Variants in NFIA observed in about 807,000 individuals in gnomAD.
The protein encoded by NFIA is nuclear factor I A, also known as nuclear factor 1 A-type.
In NFIA, 8 loss-of-function variants were observed where a neutral mutation model predicts 62.8. That is an observed-to-expected ratio of 0.13 (90% CI 0.07 to 0.23). NFIA has a LOEUF of 0.23. NFIA is among the 10% of genes least tolerant of loss of function. NFIA has a pLI of 1.00. For synonymous variants in NFIA, 235 were observed against 238.1 expected (o/e 0.99, Z 0.12); for missense variants, 410 against 642.1 (o/e 0.64, Z 3.91).
intron 8 of NFIA, among the ~76,000 whole-genome samples, chr1:61,404,809 C>T (rs748344234): frequency 1.3e-4 from 20 of 152,288 alleles, no homozygotes; most frequent in Non-Finnish European, 2.9e-4. Flanking sequence ...TTCTGCAAGT[C>T]ATTATCTTTC....
chr1:61,190,218 C>T lies in NFIA; in HGVS notation c.560-87302C>T, dbSNP rs529720059. Among the ~76,000 whole-genome samples, 3 of 152,276 alleles carry T rather than the reference C, an allele frequency of 2.0e-5. No individual in the cohort carries two copies. The South Asian group carries it at 6.2e-4, about 32-fold the overall frequency. The stretch of plus-strand genomic sequence containing the variant: ...GGCACCAGGCAGGTGACACTAGAGG[C>T]CACGGTCTTAATGACCACACAACAT... On this transcript the variant is annotated intron_variant, in intron 2 of 10. Transcript: ENST00000403491.
At chr1:61,192,059 A>G (rs1475029825) in intron 2 of NFIA, among the ~76,000 whole-genome samples, 1 of 137,230 alleles carries the variant, frequency 7.3e-6, no homozygotes, top group African/African-American at 3.0e-5. Flanking sequence ...TCCCGGGTTC[A>G]GGCAGTTCTC....
intron 9 of NFIA, among the ~76,000 whole-genome samples, chr1:61,409,574 AT>A (rs905449081): frequency 6.6e-5 from 10 of 152,196 alleles, no homozygotes; most frequent in African/African-American, 1.9e-4. Flanking sequence ...TAAATAAAAT[AT>A]TTTTTTAAAT....
intron 2 of NFIA, among the ~76,000 whole-genome samples, chr1:61,228,856 C>T (rs1654494252): frequency 6.6e-6 from 1 of 152,066 alleles, no homozygotes; most frequent in African/African-American, 2.4e-5. Context: ...TTTATTATCT[C>T]CTCATTTATT....
At chr1:61,077,628 G>A, upstream of NFIA, 1 of 1,422,834 alleles carries the variant, frequency 7.0e-7, no homozygotes, top group Non-Finnish European at 9.3e-7. Context: ...ACATTGCAAT[G>A]GTACGTGGTA....
At chr1:61,429,423 A>G (rs748789031) in intron 10 of NFIA, among the ~76,000 whole-genome samples, 1 of 152,108 alleles carries the variant, frequency 6.6e-6, no homozygotes, top group Non-Finnish European at 1.5e-5. Flanking sequence ...CTCTCTAACC[A>G]CTGTATTATG....
At chr1:61,395,614 T>C (rs1395038877) in intron 7 of NFIA, among the ~76,000 whole-genome samples, 1 of 152,238 alleles carries the variant, frequency 6.6e-6, no homozygotes, top group Non-Finnish European at 1.5e-5. Flanking sequence ...TGGATTCTTG[T>C]CAACTTTGCC....
chr1:61,104,761 C>CT (rs1415439134), intron 2 of NFIA, among the ~76,000 whole-genome samples: 1 of 151,840 alleles, frequency 6.6e-6, no homozygotes, highest in Admixed American at 6.6e-5. Context: ...ATATATATTT[C>CT]TTTTTTTAAA....
At chr1:61,427,994 T>C (rs1666942985) in intron 10 of NFIA, among the ~76,000 whole-genome samples, 1 of 152,210 alleles carries the variant, frequency 6.6e-6, no homozygotes, top group Non-Finnish European at 1.5e-5. Context: ...TTGGCGTAAG[T>C]GTCCAAGTTC....
At chr1:61,262,621 A>G (rs1183109585) in intron 2 of NFIA, among the ~76,000 whole-genome samples, 1 of 152,192 alleles carries the variant, frequency 6.6e-6, no homozygotes, top group African/African-American at 2.4e-5. Context: ...TTTCCTTTCT[A>G]TAGGACCTCC....
At chr1:61,201,708 G>C (rs1223942712) in intron 2 of NFIA, among the ~76,000 whole-genome samples, 4 of 152,234 alleles carry the variant, frequency 2.6e-5, no homozygotes, top group Admixed American at 2.0e-4. Context: ...GAGAGGTCCT[G>C]AGCTATTAGA....
chr1:61,459,080 G>T lies in NFIA; in HGVS notation c.*3760G>T, dbSNP rs191917380. On this transcript the variant is annotated 3_prime_UTR_variant, in exon 11 of 11. Transcript: ENST00000403491. The stretch of plus-strand genomic sequence containing the variant: ...CAGTTGCCAGTGTTTTTGCTTTTTA[G>T]CTTAAAAGCATAGTGAAGATGCTTG... 1 of 152,144 alleles carries T rather than the reference G, an allele frequency of 6.6e-6. No homozygotes were observed. Among genetic ancestry groups the T allele is most frequent in the Non-Finnish European group, 1.5e-5 (1 of 68,018 alleles). The allele number at this position is 152,144 out of a possible 1,614,324, so 9.4% of individuals were successfully genotyped here.
intron 2 of NFIA, among the ~76,000 whole-genome samples, 198 bp from the exon 3 acceptor site, chr1:61,277,322 T>C (rs1657862812): frequency 6.6e-6 from 1 of 152,178 alleles, no homozygotes. Flanking sequence ...GAGCGTCCTC[T>C]CTAAAGGCAC....
At chr1:61,330,308 C>T (rs1195451899) in intron 3 of NFIA, among the ~76,000 whole-genome samples, 3 of 152,220 alleles carry the variant, frequency 2.0e-5, no homozygotes, top group East Asian at 1.9e-4. Flanking sequence ...CACTTACTAA[C>T]GTGCTTTGTC....
chr1:61,430,879 T>C lies in NFIA; in HGVS notation c.1512+4323T>C, dbSNP rs538995229. ...ATTTGCCCCTCATTTTTTTCCTCCTTCTCCATATTGTAACTGATCACTGAG... is the reference window on the plus strand; with the variant it reads ...ATTTGCCCCTCATTTTTTTCCTCCTCCTCCATATTGTAACTGATCACTGAG... On this transcript the variant is annotated intron_variant, in intron 10 of 10. Transcript: ENST00000403491. 1.8e-4 allele frequency among the ~76,000 whole-genome samples: 28 copies of C among 152,182 alleles called. No homozygotes were observed. The South Asian group carries it at 5.8e-3, about 32-fold the overall frequency.
chr1:61,273,380 C>A (rs1237027151), intron 2 of NFIA, among the ~76,000 whole-genome samples: 1 of 152,100 alleles, frequency 6.6e-6, no homozygotes, highest in African/African-American at 2.4e-5. Context: ...AATTTCTAAA[C>A]ACTGTGTAAG....
intron 8 of NFIA, among the ~76,000 whole-genome samples, chr1:61,405,826 C>A (rs1665789343): frequency 6.6e-6 from 1 of 152,044 alleles, no homozygotes; most frequent in Admixed American, 6.6e-5. Flanking sequence ...TGTTAAAGAG[C>A]TGTTATTTGG....
chr1:61,145,494 G>A lies in NFIA; in HGVS notation c.559+56814G>A, dbSNP rs145104587. The stretch of plus-strand genomic sequence containing the variant: ...TTCATTAATTCACTAAGTATTAATT[G>A]AGTATCTACTATGTGCCAAGCATCG... On this transcript the variant is annotated intron_variant, in intron 2 of 10. Transcript: ENST00000403491. Among the ~76,000 whole-genome samples the A allele has an allele frequency of 2.9e-3, 441 of 152,240 alleles. 4 individuals are homozygous for A. Among genetic ancestry groups the A allele is most frequent in the African/African-American group, 0.01 (417 of 41,528 alleles).
At position 61,112,868 on chromosome 1, in the gene NFIA, A is replaced by G. The variant is rs914156190; in HGVS notation, c.559+24188A>G. ...TGAACTTGCATTAATTACATCGTGC[A>G]TATATGGACATACAATGTCATCTGC... is the stretch of plus-strand genomic sequence containing the variant. On this transcript the variant is annotated intron_variant, in intron 2 of 10. Transcript: ENST00000403491. Among the ~76,000 whole-genome samples the G allele has an allele frequency of 2.0e-5, 3 of 152,336 alleles. No homozygotes were observed. In the East Asian group the frequency reaches 5.8e-4, roughly 29 times the overall value.
Sources: gnomAD v4.1 joint callset for allele counts (sites outside exome capture counted in the v4.1 genomes callset) on GRCh38, gnomAD v4.1.1 for gene constraint, MANE v1.5 for transcripts, NCBI Gene and HGNC (gene_info 2026-07-23, HGNC 2026-07-21) for gene names.